The following HIRIP3 variants were observed in gnomAD, a reference collection of about 807,000 sequenced individuals.
The protein encoded by HIRIP3 is HIRA-interacting protein 3.
A neutral mutation model predicts 50.3 loss-of-function variants in HIRIP3; 40 were observed. The observed-to-expected ratio is 0.79, with a 90% CI of 0.62 to 1.03. The LOEUF is 1.03. Among genes scored for constraint, HIRIP3 ranks in the 50% least tolerant of loss-of-function variants. The pLI is 0.00. For synonymous variants in HIRIP3, 318 were observed against 261.6 expected (o/e 1.22, Z -2.08); for missense variants, 765 against 705.4 (o/e 1.08, Z -0.96).
chr16:29,993,429 G>C, intron 6 of HIRIP3, 30 bp downstream of exon 6: 1 of 1,598,938 alleles, frequency 6.3e-7, no homozygotes, highest in Admixed American at 1.7e-5. Context: ...CCACCTATCT[G>C]CTCCTGGGCA....
rs754510811 is a variant in HIRIP3 at position 29,993,362 on chromosome 16, G to A, written c.1516C>T (p.Arg506Cys). The change falls in exon 7 of 7, where the codon CGC becomes TGC. Residue 506 changes from arginine (R) to cysteine (C), a missense_variant. Coordinates refer to ENST00000279392, the MANE Select transcript of HIRIP3 (RefSeq NM_003609.5). The stretch of plus-strand genomic sequence containing the variant: ...AAAGGGTTCCAGGCTGTACGTCTGC[G>A]TGGCCGGCCTAGGGGAAAGGGGAAA... ...ANIISGSGRPRRRTAWNPLGE... is the reference protein window; with the variant it reads ...ANIISGSGRPCRRTAWNPLGE... 24 of 1,552,526 alleles carry A rather than the reference G, an allele frequency of 1.5e-5. No homozygotes were observed. Among genetic ancestry groups the A allele is most frequent in the Admixed American group, 1.3e-4 (7 of 53,080 alleles).
upstream of HIRIP3, chr16:29,995,703 CGT>C: frequency 1.4e-6 from 2 of 1,478,736 alleles, no homozygotes; most frequent in Non-Finnish European, 1.8e-6. Context: ...GCTGCGGCAA[CGT>C]GGGGCGAGGG....
chr16:29,993,948 G>A lies in HIRIP3; in HGVS notation c.1197C>T (p.Ser399=). The A allele has an allele frequency of 1.3e-6, 2 of 1,559,720 alleles. No individual in the cohort carries two copies. The highest frequency in any genetic ancestry group is 1.7e-6 in the Non-Finnish European group (2 of 1,153,108). The part of the protein sequence containing the change: ...KSSRKGRTRS[S]SSSSDGSPEA... ...CTGGACTTCCATCTGAGGAGGAAGA[G>A]GAGCTTCGTGTCCTGCCTTTCCTGG... Residue 399 remains serine (S), a synonymous_variant, in exon 4 of 7, where the codon TCC becomes TCT. Transcript: ENST00000279392.
upstream of HIRIP3, chr16:29,995,651 G>T (rs770726112): frequency 1.6e-5 from 26 of 1,600,580 alleles, no homozygotes; most frequent in Admixed American, 5.1e-5. Flanking sequence ...TTTCTTCTCG[G>T]CCTCCGTCAG....
Position 29,994,380 on chromosome 16 carries a change from C to T in HIRIP3, c.765G>A (p.Gly255=). The stretch of plus-strand genomic sequence containing the variant: ...TGCTCCTGGTTCTGGGTTTCCAATC[C>T]CCCTTTTCCTCATCCTCTTCTTTCT... ...EEEKEEDEEK[G]DWKPRTRSNG... is the part of the protein sequence containing the mutation. The change falls in exon 4 of 7, where the codon GGG becomes GGA. Residue 255 remains glycine, a synonymous_variant. Coordinates refer to ENST00000279392, the MANE Select transcript of HIRIP3 (RefSeq NM_003609.5). 6.2e-7 allele frequency: 1 copy of T among 1,614,028 alleles called. No homozygotes were observed. Among genetic ancestry groups the T allele is most frequent in the East Asian group, 2.2e-5 (1 of 44,884 alleles).
chr16:29,995,981 G>T, upstream of HIRIP3: 1 of 567,844 alleles, frequency 1.8e-6, no homozygotes, highest in Non-Finnish European at 3.2e-6. Flanking sequence ...CTCGCGAGCA[G>T]ATGAGGAACC....
rs2070015098 is a variant in HIRIP3 at position 29,993,639 on chromosome 16, C to T, written c.1408+1G>A. On this transcript the variant is annotated splice_donor_variant, in intron 5 of 6. Transcript: ENST00000279392. LOFTEE classifies it high-confidence loss of function. Reference sequence around the variant, plus strand: ...AGCCCCCAGGGCACGCCGGGCCTCACCCTTCATGCCTAGCGCTTCCAGTTC... The same window carrying T: ...AGCCCCCAGGGCACGCCGGGCCTCATCCTTCATGCCTAGCGCTTCCAGTTC... The T allele has an allele frequency of 6.2e-7, 1 of 1,612,460 alleles. No homozygotes were observed. Among genetic ancestry groups the T allele is most frequent in the Non-Finnish European group, 8.5e-7 (1 of 1,179,830 alleles).
chr16:29,994,186 C>T lies in HIRIP3; in HGVS notation c.959G>A (p.Arg320Lys). The change falls in exon 4 of 7, where the codon AGG becomes AAG. Residue 320 changes from arginine (R) to lysine (K), a missense_variant. By Grantham distance (26) the Arg-to-Lys change is conservative. Transcript: ENST00000279392. ...CCTCTTCCCACCCTTAAGCTGGGTCCTGTCCTCACTCTTCCTCTGCACTGG... is the reference window on the plus strand; with the variant it reads ...CCTCTTCCCACCCTTAAGCTGGGTCTTGTCCTCACTCTTCCTCTGCACTGG... ...EPPVQRKSED[R>K]TQLKGGKRLS... is the part of the protein sequence containing the mutation. 1 of 1,614,152 alleles carries T rather than the reference C, an allele frequency of 6.2e-7. No individual in the cohort carries two copies. The highest frequency in any genetic ancestry group is 8.5e-7 in the Non-Finnish European group (1 of 1,180,006).
Position 29,994,788 on chromosome 16 carries a change from C to T in HIRIP3, c.357G>A (p.Gly119=), listed in dbSNP as rs756166294. Residue 119 remains glycine (G), a synonymous_variant, in exon 4 of 7, where the codon GGG becomes GGA. Coordinates refer to ENST00000279392, the MANE Select transcript of HIRIP3 (RefSeq NM_003609.5). Reference sequence around the variant, plus strand: ...TGGCTGGGCTGACTTCTGCTGCCACCCCATTCTTTGCTGGGGGTCCAAAGT... The same window carrying T: ...TGGCTGGGCTGACTTCTGCTGCCACTCCATTCTTTGCTGGGGGTCCAAAGT... ...PDYFGPPAKN[G]VAAEVSPAKE... is the part of the protein sequence containing the mutation. 9 of 1,614,054 alleles carry T rather than the reference C, an allele frequency of 5.6e-6. No individual in the cohort carries two copies. Among genetic ancestry groups the T allele is most frequent in the Non-Finnish European group, 5.1e-6 (6 of 1,179,970 alleles).
At position 29,993,514 on chromosome 16, in the gene HIRIP3, C is replaced by T. The variant is rs1462103906; in HGVS notation, c.1452G>A (p.Arg484=). The part of the protein sequence containing the change: ...LGKCRALKEQ[R]EEAAEVASLD... ...AGGAGGCCACCTCAGCTGCCTCCTC[C>T]CTCTGCTCCTTCAGGGCCCGACACT... The change falls in exon 6 of 7, where the codon AGG becomes AGA. Residue 484 remains arginine (R), a synonymous_variant. Transcript: ENST00000279392. 1 of 1,613,934 alleles carries T rather than the reference C, an allele frequency of 6.2e-7. No individual in the cohort carries two copies. Among genetic ancestry groups the T allele is most frequent in the Non-Finnish European group, 8.5e-7 (1 of 1,179,866 alleles).
chr16:29,994,645 T>C lies in HIRIP3; in HGVS notation c.500A>G (p.Tyr167Cys). Residue 167 changes from tyrosine to cysteine, a missense_variant, in exon 4 of 7, where the codon TAC (tyrosine) becomes TGC (cysteine). Tyr to Cys is a radical substitution (Grantham distance 194). Transcript: ENST00000279392. Reference protein sequence around the residue: ...EESSEEEEKGYKGKTRKKPVV... With the variant: ...EESSEEEEKGCKGKTRKKPVV... ...AGGTTTCTTCCTAGTCTTCCCCTTG[T>C]ACCCCTTTTCCTCCTCCTCACTGCT... is the stretch of plus-strand genomic sequence containing the variant. 1.2e-6 allele frequency: 2 copies of C among 1,614,170 alleles called. No individual in the cohort carries two copies.
upstream of HIRIP3, chr16:29,995,932 G>A: frequency 1.8e-6 from 1 of 569,334 alleles, no homozygotes; most frequent in Non-Finnish European, 3.1e-6. Flanking sequence ...GCAACAGCTA[G>A]GCTGCTGTTA....
At position 29,992,394 on chromosome 16, in the gene HIRIP3, T is replaced by A. The variant is rs2069993723; in HGVS notation, c.*813A>T. Reference sequence around the variant, plus strand: ...AACATTTCAGTGATTTTAATGACTTTAGGTGTGACCAGATCTCGGATCTCA... The same window carrying A: ...AACATTTCAGTGATTTTAATGACTTAAGGTGTGACCAGATCTCGGATCTCA... On this transcript the variant is annotated 3_prime_UTR_variant, in exon 7 of 7. Transcript: ENST00000279392. 1 of 152,232 alleles carries A rather than the reference T, an allele frequency of 6.6e-6. No homozygotes were observed. Among genetic ancestry groups the A allele is most frequent in the Non-Finnish European group, 1.5e-5 (1 of 68,058 alleles). The allele number at this position is 152,232 out of a possible 1,614,324, so 9.4% of individuals were successfully genotyped here.
upstream of HIRIP3, chr16:29,995,788 T>G: frequency 1.4e-6 from 1 of 691,270 alleles, no homozygotes; most frequent in East Asian, 2.7e-5. Flanking sequence ...TCTGGGCAGT[T>G]GGAGGGTCTC....
chr16:29,992,599 G>A lies in HIRIP3; in HGVS notation c.*608C>T, dbSNP rs1025775070. On this transcript the variant is annotated 3_prime_UTR_variant, in exon 7 of 7. Transcript: ENST00000279392. The stretch of plus-strand genomic sequence containing the variant: ...ACTGCAGAGGCTGGGCCTGTAGCCA[G>A]AGGCCTAGAGGGCTAGGACTGGCCC... 2 of 152,276 alleles carry A rather than the reference G, an allele frequency of 1.3e-5. No homozygotes were observed. The highest frequency in any genetic ancestry group is 4.8e-5 in the African/African-American group (2 of 41,460). The allele number at this position is 152,276 out of a possible 1,614,324, so 9.4% of individuals were successfully genotyped here.
At position 29,993,022 on chromosome 16, in the gene HIRIP3, G is replaced by A; in HGVS notation, c.*185C>T. 1 of 460,696 alleles carries A rather than the reference G, an allele frequency of 2.2e-6. No individual in the cohort carries two copies. The allele number at this position is 460,696 out of a possible 1,614,324, so 28.5% of individuals were successfully genotyped here. On this transcript the variant is annotated 3_prime_UTR_variant, in exon 7 of 7. Coordinates refer to ENST00000279392, the MANE Select transcript of HIRIP3 (RefSeq NM_003609.5). ...AGGTGATTAAAAACACTCCTTTATT[G>A]AGTCTTAAAAAATAAACACCTTAAA...
Position 29,993,896 on chromosome 16 carries a change from T to C in HIRIP3, c.1239+10A>G. 1 of 1,580,368 alleles carries C rather than the reference T, an allele frequency of 6.3e-7. No individual in the cohort carries two copies. Among genetic ancestry groups the C allele is most frequent in the African/African-American group, 1.4e-5 (1 of 74,054 alleles). On this transcript the variant is annotated intron_variant, in intron 4 of 6. Coordinates refer to ENST00000279392, the MANE Select transcript of HIRIP3 (RefSeq NM_003609.5). ...CCTAATAGTGGCCTCCCACCCCTCCTCACCCTCACCTTCCCTCCTTTGGCC... is the reference window on the plus strand; with the variant it reads ...CCTAATAGTGGCCTCCCACCCCTCCCCACCCTCACCTTCCCTCCTTTGGCC...
rs371218681 is a variant in HIRIP3, at chr16:29,995,225, T to C, written c.187-8A>G. 10 of 1,614,204 alleles carry C rather than the reference T, an allele frequency of 6.2e-6. No individual in the cohort carries two copies. The highest frequency in any genetic ancestry group is 1.1e-5 in the South Asian group (1 of 91,088). On this transcript the variant is annotated splice_polypyrimidine_tract_variant and splice_region_variant and intron_variant, in intron 2 of 6. Coordinates refer to ENST00000279392, the MANE Select transcript of HIRIP3 (RefSeq NM_003609.5). The stretch of plus-strand genomic sequence containing the variant: ...GGAAGCGGCTTCATCCACCTGTGTG[T>C]GCGCCAAGAGGGCAAACTATGCACC...
chr16:29,995,296 C>T lies in HIRIP3; in HGVS notation c.186+47G>A. The T allele has an allele frequency of 1.9e-6, 3 of 1,609,882 alleles. No homozygotes were observed. The African/African-American group carries it at 4.0e-5, about 21-fold the overall frequency. On this transcript the variant is annotated intron_variant, in intron 2 of 6. Transcript: ENST00000279392. ...CCGTCAGGCCCCTCCTCCTCAGCAG[C>T]AAGCCCCGCCTCCGCCTCCCGCGGC...
Sources: gnomAD v4.1 joint callset for allele counts on GRCh38, gnomAD v4.1.1 for gene constraint, MANE v1.5 for transcripts, NCBI Gene and HGNC (gene_info 2026-07-23, HGNC 2026-07-21) for gene names.